MDM1: variants seen among roughly 807,000 people sequenced by gnomAD.
The protein encoded by MDM1 is Mdm1 nuclear protein.
Under a neutral mutation model 89.1 loss-of-function variants are expected in MDM1, and 61 were observed. That is an observed-to-expected ratio of 0.68 (90% CI 0.56 to 0.85). The LOEUF is 0.85. Among genes scored for constraint, MDM1 ranks in the 40% least tolerant of loss-of-function variants. The probability of loss-of-function intolerance (pLI) is 0.00; values close to 1 mark genes in which losing one functional copy is unlikely to be tolerated. For missense variants in MDM1, 820 were observed against 846.5 expected, an observed-to-expected ratio of 0.97 and a Z score of 0.39; for synonymous variants, 290 against 294.1, an observed-to-expected ratio of 0.99 and a Z score of 0.14.
At chr12:68,331,898 G>A in intron 1 of MDM1, 1 of 638,324 alleles carries the variant, frequency 1.6e-6, no homozygotes, top group East Asian at 3.2e-5. Flanking sequence ...AGCTAAATGG[G>A]CCACAGGTGT....
chr12:68,297,753 A>G (rs193216648), intron 13 of MDM1, among the ~76,000 whole-genome samples: 3 of 152,360 alleles, frequency 2.0e-5, no homozygotes, highest in Admixed American at 2.0e-4. Flanking sequence ...TATTCAAAAC[A>G]GAGGCATTAT....
chr12:68,303,951 C>T (rs140871695), intron 12 of MDM1, among the ~76,000 whole-genome samples: 41 of 152,272 alleles, frequency 2.7e-4, no homozygotes, highest in African/African-American at 8.7e-4. Flanking sequence ...TAAAAGAAGG[C>T]AGCTAGCTGG....
At position 68,302,877 on chromosome 12, in the gene MDM1, ATGAC is replaced by A. The variant is rs761346723; in HGVS notation, c.1750-9_1750-6del. 5 of 1,347,624 alleles carry A rather than the reference ATGAC, an allele frequency of 3.7e-6. No homozygotes were observed. In the South Asian group the frequency reaches 5.2e-5, roughly 14 times the overall value. The allele number at this position is 1,347,624 out of a possible 1,614,324, so 83.5% of individuals were successfully genotyped here. ...GGATACAGCACGACTTTCTTTCTAA[ATGAC>A]AAAAAAAAAAAAAAAAAAAAGATGC... On this transcript the variant is annotated splice_region_variant and splice_polypyrimidine_tract_variant and intron_variant, in intron 12 of 14. Transcript: ENST00000682720.
intron 2 of MDM1, chr12:68,330,665 T>C (rs991963639): frequency 1.3e-5 from 2 of 154,292 alleles, no homozygotes. Flanking sequence ...GGGGAGTTTC[T>C]TCAGACCCCC....
chr12:68,304,658 A>C (rs1476305483), intron 12 of MDM1, among the ~76,000 whole-genome samples: 1 of 152,172 alleles, frequency 6.6e-6, no homozygotes, highest in Non-Finnish European at 1.5e-5. Context: ...CAATTGCTGA[A>C]AACACCGGAA....
rs35426557 is a variant in MDM1, at chr12:68,302,881, C to CAAAAAAA, written c.1750-16_1750-10dup. ...ACAGCACGACTTTCTTTCTAAATGA[C>CAAAAAAA]AAAAAAAAAAAAAAAAAAAAGATGC... On this transcript the variant is annotated splice_polypyrimidine_tract_variant and intron_variant, in intron 12 of 14. Transcript: ENST00000682720. The CAAAAAAA allele has an allele frequency of 1.2e-5, 13 of 1,105,768 alleles. No homozygotes were observed. Among genetic ancestry groups the CAAAAAAA allele is most frequent in the Admixed American group, 4.1e-5 (1 of 24,626 alleles). 68.5% of individuals were successfully genotyped at this position (1,105,768 alleles called of 1,614,324 possible). A position where few individuals can be genotyped will look rare whatever the true frequency, so the allele number is the denominator to read the frequency against.
At chr12:68,325,717 C>A in intron 3 of MDM1, 142 bp from the exon 4 acceptor site, 1 of 1,297,784 alleles carries the variant, frequency 7.7e-7, no homozygotes, top group Non-Finnish European at 9.9e-7. Context: ...TAACTACATG[C>A]GCATTGTGGT....
At chr12:68,307,908 A>C (rs1019033906) in intron 12 of MDM1, among the ~76,000 whole-genome samples, 1 of 148,232 alleles carries the variant, frequency 6.7e-6, no homozygotes, top group Admixed American at 6.7e-5. Context: ...ACTATACTCC[A>C]GCCTGGGCAA....
intron 4 of MDM1, among the ~76,000 whole-genome samples, chr12:68,324,124 G>A (rs1414182007): frequency 1.3e-5 from 2 of 152,070 alleles, no homozygotes; most frequent in East Asian, 3.8e-4. Flanking sequence ...AAAAAAGTAT[G>A]TGAAACACTT....
chr12:68,321,896 T>G (rs1408905164), intron 5 of MDM1, among the ~76,000 whole-genome samples: 2 of 152,192 alleles, frequency 1.3e-5, no homozygotes, highest in Non-Finnish European at 2.9e-5. Flanking sequence ...GGAAGAAAAT[T>G]TTTAAGTTAA....
chr12:68,326,081 C>T, intron 3 of MDM1: 6 of 1,000,038 alleles, frequency 6.0e-6, no homozygotes, highest in Non-Finnish European at 7.2e-6. Context: ...AGCAGTGGAA[C>T]AGAATGGAGA....
Position 68,326,787 on chromosome 12 carries a change from G to A in MDM1, c.368C>T (p.Ser123Phe), listed in dbSNP as rs778290606. 4 of 1,613,988 alleles carry A rather than the reference G, an allele frequency of 2.5e-6. No individual in the cohort carries two copies. The highest frequency in any genetic ancestry group is 3.3e-5 in the Admixed American group (2 of 60,000). The change falls in exon 3 of 15, where the codon TCT becomes TTT. Residue 123 changes from serine (S) to phenylalanine (F), a missense_variant. Transcript: ENST00000682720. ...SRVPKRTRSH[S>F]ADSRAEGASD... is the part of the protein sequence containing the mutation. ...AGCCCCTTCAGCTCTGGAGTCTGCAGAGTGAGATCTGGTTCTTTTGGGAAC... is the reference window on the plus strand; with the variant it reads ...AGCCCCTTCAGCTCTGGAGTCTGCAAAGTGAGATCTGGTTCTTTTGGGAAC...
In MDM1 at chr12:68,325,270, C is replaced by T. The variant is rs980582953; in HGVS notation, c.633+171G>A. Reference sequence around the variant, plus strand: ...AGCCTAGGACAGTATAATATTACTACCATAAATCATAAGTAATAGGATGAT... The same window carrying T: ...AGCCTAGGACAGTATAATATTACTATCATAAATCATAAGTAATAGGATGAT... On this transcript the variant is annotated intron_variant, in intron 4 of 14. Transcript: ENST00000682720. The T allele has an allele frequency of 3.9e-6, 5 of 1,276,716 alleles. No individual in the cohort carries two copies. In the African/African-American group the frequency reaches 7.7e-5, roughly 20 times the overall value. The allele number at this position is 1,276,716 out of a possible 1,614,324, so 79.1% of individuals were successfully genotyped here. A position where few individuals can be genotyped will look rare whatever the true frequency, so the allele number is the denominator to read the frequency against.
intron 4 of MDM1, 180 bp downstream of exon 4, chr12:68,325,261 A>G: frequency 8.0e-7 from 1 of 1,254,310 alleles, no homozygotes. Flanking sequence ...GGACAGTATA[A>G]TATTACTACC....
chr12:68,295,789 C>T (rs1424516729), intron 14 of MDM1, among the ~76,000 whole-genome samples: 2 of 152,220 alleles, frequency 1.3e-5, no homozygotes, highest in African/African-American at 2.4e-5. Flanking sequence ...ATTTACATCA[C>T]ATTTCTAAAA....
chr12:68,320,102 T>C (rs1304266740), intron 7 of MDM1, among the ~76,000 whole-genome samples: 1 of 152,206 alleles, frequency 6.6e-6, no homozygotes, highest in African/African-American at 2.4e-5. Flanking sequence ...GACATCAATT[T>C]ACCAGCCACA....
intron 7 of MDM1, among the ~76,000 whole-genome samples, chr12:68,318,854 A>C (rs936151820): frequency 2.6e-5 from 4 of 152,182 alleles, no homozygotes; most frequent in African/African-American, 7.2e-5. Flanking sequence ...AGTTCAACTA[A>C]ATTATTTAAA....
At position 68,322,579 on chromosome 12, in the gene MDM1, A is replaced by C. The variant is rs562020931; in HGVS notation, c.801+494T>G. 5.9e-5 allele frequency among the ~76,000 whole-genome samples: 9 copies of C among 152,356 alleles called. No homozygotes were observed. The South Asian group carries it at 1.9e-3, about 32-fold the overall frequency. ...AATCCGGGAGGCAGAGGTTGCAGTG[A>C]GCCGAGATCGTGCCACTGCACTCCA... On this transcript the variant is annotated intron_variant, in intron 5 of 14. Transcript: ENST00000682720.
chr12:68,315,211 T>C lies in MDM1; in HGVS notation c.1266A>G (p.Glu422=), dbSNP rs1874316378. Residue 422 remains glutamate, a synonymous_variant, in exon 10 of 15, where the codon GAA becomes GAG. Transcript: ENST00000682720. ...LQKCPSTEPE[E]KGNIVEEQPQ... ...GCTGTTCTTCCACGATATTTCCTTTTTCTTCTGGTTCTGTAGAAGGACATT... is the reference window on the plus strand; with the variant it reads ...GCTGTTCTTCCACGATATTTCCTTTCTCTTCTGGTTCTGTAGAAGGACATT... The C allele has an allele frequency of 2.5e-6, 4 of 1,614,248 alleles. No individual in the cohort carries two copies. Among genetic ancestry groups the C allele is most frequent in the Non-Finnish European group, 3.4e-6 (4 of 1,180,050 alleles).
Sources: allele counts gnomAD v4.1 joint callset (sites outside exome capture counted in the v4.1 genomes callset), GRCh38; gene constraint gnomAD v4.1.1; transcripts MANE v1.5; gene names NCBI Gene and HGNC (gene_info 2026-07-23, HGNC 2026-07-21).